Variants in KLHDC7B observed in about 807,000 individuals in gnomAD.
The protein encoded by KLHDC7B is kelch domain-containing protein 7B.
A neutral mutation model predicts 0.6 loss-of-function variants in KLHDC7B; 1 was observed. That is an observed-to-expected ratio of 1.71 (90% CI 0.61 to 8.11). The LOEUF (loss-of-function observed/expected upper bound fraction) is 8.11, where lower values mean the gene tolerates loss of function less well. Ranked by LOEUF, KLHDC7B falls within the 30% of genes most tolerant of loss-of-function variation. The probability of loss-of-function intolerance (pLI) is 0.13; values close to 1 mark genes in which losing one functional copy is unlikely to be tolerated. For synonymous variants in KLHDC7B, 462 were observed against 405.2 expected, an observed-to-expected ratio of 1.14 and a Z score of -1.68; for missense variants, 993 against 894.9, an observed-to-expected ratio of 1.11 and a Z score of -1.40.
rs372048048 is a variant in KLHDC7B, at chr22:50,548,867, G to A, written c.2624G>A (p.Gly875Glu). The A allele has an allele frequency of 8.5e-4, 1,329 of 1,562,354 alleles. 25 individuals are homozygous for A. In the South Asian group the frequency reaches 0.015, roughly 17 times the overall value. The change falls in exon 1 of 1, where the codon GGA becomes GAA. Residue 875 changes from glycine to glutamate, a missense_variant. Transcript: ENST00000648057. This position sits in a 1 kb window ranked among gnomAD's most constrained non-coding sequence, Gnocchi z 5.3. The part of the protein sequence containing the change: ...LDVLAFAQQH[G>E]EPGLAQETYA... ...GTGCTGGCCTTTGCCCAGCAGCACGGAGAGCCCGGCCTGGCGCAGGAGACC... is the reference window on the plus strand; with the variant it reads ...GTGCTGGCCTTTGCCCAGCAGCACGAAGAGCCCGGCCTGGCGCAGGAGACC...
In KLHDC7B at chr22:50,549,541, C is replaced by A. The variant is rs201224475; in HGVS notation, c.3298C>A (p.Leu1100Ile). ...GGACATCTACGTCACCGGGGGTCACCTCTTCTACCGCCTGCTCAGGTACAG... is the reference window on the plus strand; with the variant it reads ...GGACATCTACGTCACCGGGGGTCACATCTTCTACCGCCTGCTCAGGTACAG... Reference protein sequence around the residue: ...RGDIYVTGGHLFYRLLRYSPV... With the variant: ...RGDIYVTGGHIFYRLLRYSPV... Residue 1100 changes from leucine (L) to isoleucine (I), a missense_variant, in exon 1 of 1, where the codon CTC becomes ATC. Physicochemically the swap from Leu to Ile is conservative, Grantham distance 5 (BLOSUM62 2). Transcript: ENST00000648057. The A allele has an allele frequency of 3.1e-6, 5 of 1,603,744 alleles. No homozygotes were observed. The African/African-American group carries it at 4.0e-5, about 13-fold the overall frequency.
chr22:50,549,919 C>A lies in KLHDC7B; in HGVS notation c.3676C>A (p.Pro1226Thr). ...CCTCAGTCCATTCATCCTGACTCTG[C>A]CCCCTGAGGACCGGCTGCAGACCTC... Reference protein sequence around the residue: ...GVLSPFILTLPPEDRLQTSL With the variant: ...GVLSPFILTLTPEDRLQTSL Residue 1226 changes from proline to threonine, a missense_variant, in exon 1 of 1, where the codon CCC becomes ACC. Coordinates refer to ENST00000648057, the MANE Select transcript of KLHDC7B (RefSeq NM_138433.5). The A allele has an allele frequency of 6.3e-7, 1 of 1,583,462 alleles. No homozygotes were observed. The highest frequency in any genetic ancestry group is 8.6e-7 in the Non-Finnish European group (1 of 1,161,856).
rs1340966201 is a variant in KLHDC7B at position 50,548,763 on chromosome 22, G to C, written c.2520G>C (p.Arg840=). 1.4e-6 allele frequency: 2 copies of C among 1,449,450 alleles called. No homozygotes were observed. Among genetic ancestry groups the C allele is most frequent in the South Asian group, 2.9e-5 (2 of 68,730 alleles). The allele number at this position is 1,449,450 out of a possible 1,614,324, so 89.8% of individuals were successfully genotyped here. Residue 840 remains arginine (R), a synonymous_variant, in exon 1 of 1, where the codon CGG becomes CGC. Coordinates refer to ENST00000648057, the MANE Select transcript of KLHDC7B (RefSeq NM_138433.5). This position sits in a 1 kb window ranked among gnomAD's most constrained non-coding sequence, Gnocchi z 5.3. ...GTTGGGGGGTGGTGGAGGGGCCCCG[G>C]AAGCCCAGCTCCCGGGCCCTGGAGC... ...PGGWGVVEGP[R]KPSSRALEPA...
In KLHDC7B at chr22:50,548,787, G is replaced by T. The variant is rs2069765714; in HGVS notation, c.2544G>T (p.Glu848Asp). 1 of 1,456,454 alleles carries T rather than the reference G, an allele frequency of 6.9e-7. No homozygotes were observed. The highest frequency in any genetic ancestry group is 1.5e-5 in the African/African-American group (1 of 67,178). 90.2% of individuals were successfully genotyped at this position (1,456,454 alleles called of 1,614,324 possible). ...GGAAGCCCAGCTCCCGGGCCCTGGAGCCCGCCACGGCGGCAGCCCTGCGGC... is the reference window on the plus strand; with the variant it reads ...GGAAGCCCAGCTCCCGGGCCCTGGATCCCGCCACGGCGGCAGCCCTGCGGC... ...GPRKPSSRAL[E>D]PATAAALRRR... Residue 848 changes from glutamate (E) to aspartate (D), a missense_variant, in exon 1 of 1, where the codon GAG becomes GAT. Coordinates refer to ENST00000648057, the MANE Select transcript of KLHDC7B (RefSeq NM_138433.5). This position sits in a 1 kb window ranked among gnomAD's most constrained non-coding sequence, Gnocchi z 5.3.
rs1463468661 is a variant in KLHDC7B, at chr22:50,548,376, C to A, written c.2133C>A (p.Thr711=). The A allele has an allele frequency of 6.4e-7, 1 of 1,552,328 alleles. No homozygotes were observed. Among genetic ancestry groups the A allele is most frequent in the Admixed American group, 2.0e-5 (1 of 51,008 alleles). ...GGQPQPRSSE[T]NGSPSPDPPP... is the part of the protein sequence containing the mutation. Reference sequence around the variant, plus strand: ...AGCCACAGCCAAGAAGCTCCGAGACCAACGGATCGCCCAGCCCAGACCCTC... The same window carrying A: ...AGCCACAGCCAAGAAGCTCCGAGACAAACGGATCGCCCAGCCCAGACCCTC... Residue 711 remains threonine, a synonymous_variant, in exon 1 of 1, where the codon ACC becomes ACA. Transcript: ENST00000648057. The surrounding 1 kb of genome is among the most constrained non-coding windows in gnomAD (Gnocchi z 5.3).
rs767176636 is a variant in KLHDC7B, at chr22:50,548,470, A to G, written c.2227A>G (p.Arg743Gly). Residue 743 changes from arginine to glycine, a missense_variant, in exon 1 of 1, where the codon AGG becomes GGG. Physicochemically the swap from Arg to Gly is moderately radical, Grantham distance 125. Transcript: ENST00000648057. This position sits in a 1 kb window ranked among gnomAD's most constrained non-coding sequence, Gnocchi z 5.3. ...CCCGCTGCCCCAAGCCGCGATGCCC[A>G]GGGGCCCCGCACAGCCCCCCGCGCA... ...LDPLPQAAMPRGPAQPPAQRP... is the reference protein window; with the variant it reads ...LDPLPQAAMPGGPAQPPAQRP... 2 of 1,578,784 alleles carry G rather than the reference A, an allele frequency of 1.3e-6. No homozygotes were observed. The highest frequency in any genetic ancestry group is 1.7e-6 in the Non-Finnish European group (2 of 1,162,644).
In KLHDC7B at chr22:50,550,040, C is replaced by A; in HGVS notation, c.*89C>A. The stretch of plus-strand genomic sequence containing the variant: ...GAGAGGCCGGGGCTCAGGGAAGGGG[C>A]TGGGATCGGAACTTCCTGCTCTTGT... On this transcript the variant is annotated 3_prime_UTR_variant, in exon 1 of 1. Transcript: ENST00000648057. The A allele has an allele frequency of 7.5e-7, 1 of 1,324,564 alleles. No homozygotes were observed. Among genetic ancestry groups the A allele is most frequent in the Non-Finnish European group, 1.0e-6 (1 of 990,576 alleles). The allele number at this position is 1,324,564 out of a possible 1,614,324, so 82.1% of individuals were successfully genotyped here.
rs137863644 is a variant in KLHDC7B, at chr22:50,549,703, A to C, written c.3460A>C (p.Thr1154Pro). 3.4e-5 allele frequency: 54 copies of C among 1,578,460 alleles called. No individual in the cohort carries two copies. The highest frequency in any genetic ancestry group is 4.6e-5 in the Non-Finnish European group (53 of 1,163,472). ...GGGCGCCGCCGTGATGCGCTACAAC[A>C]CAGTGACCGGCTCCTGGAGCAGGGC... Reference protein sequence around the residue: ...GVGAAVMRYNTVTGSWSRAAS... With the variant: ...GVGAAVMRYNPVTGSWSRAAS... Residue 1154 changes from threonine to proline, a missense_variant, in exon 1 of 1, where the codon ACA becomes CCA. Physicochemically the swap from Thr to Pro is conservative, Grantham distance 38. Transcript: ENST00000648057.
chr22:50,549,221 T>C lies in KLHDC7B; in HGVS notation c.2978T>C (p.Met993Thr). Residue 993 changes from methionine to threonine, a missense_variant, in exon 1 of 1, where the codon ATG becomes ACG. Coordinates refer to ENST00000648057, the MANE Select transcript of KLHDC7B (RefSeq NM_138433.5). ...CTTCGGGGCTGCGGTCTCTGCACCA[T>C]GCACAACTACCTGTTTCTGGCGGGG... The part of the protein sequence containing the change: ...APLRGCGLCT[M>T]HNYLFLAGGI... 8 of 1,608,454 alleles carry C rather than the reference T, an allele frequency of 5.0e-6. No individual in the cohort carries two copies. The highest frequency in any genetic ancestry group is 6.8e-6 in the Non-Finnish European group (8 of 1,179,912).
Position 50,548,790 on chromosome 22 carries a change from C to T in KLHDC7B, c.2547C>T (p.Pro849=). The T allele has an allele frequency of 6.2e-6, 9 of 1,459,328 alleles. No homozygotes were observed. Among genetic ancestry groups the T allele is most frequent in the Non-Finnish European group, 7.2e-6 (8 of 1,111,170 alleles). The allele number at this position is 1,459,328 out of a possible 1,614,324, so 90.4% of individuals were successfully genotyped here. The change falls in exon 1 of 1, where the codon CCC becomes CCT. Residue 849 remains proline (P), a synonymous_variant. Transcript: ENST00000648057. This position sits in a 1 kb window ranked among gnomAD's most constrained non-coding sequence, Gnocchi z 5.3. ...AGCCCAGCTCCCGGGCCCTGGAGCC[C>T]GCCACGGCGGCAGCCCTGCGGCGGC... is the stretch of plus-strand genomic sequence containing the variant. The part of the protein sequence containing the change: ...PRKPSSRALE[P]ATAAALRRRL...
Position 50,548,490 on chromosome 22 carries a change from C to T in KLHDC7B, c.2247C>T (p.Pro749=), listed in dbSNP as rs1217436143. 3 of 1,566,910 alleles carry T rather than the reference C, an allele frequency of 1.9e-6. No individual in the cohort carries two copies. The highest frequency in any genetic ancestry group is 1.7e-4 in the Middle Eastern group (1 of 5,974). ...AAMPRGPAQP[P]AQRPPGPAAS... is the part of the protein sequence containing the mutation. ...TGCCCAGGGGCCCCGCACAGCCCCC[C>T]GCGCAGAGGCCGCCTGGCCCCGCGG... Residue 749 remains proline, a synonymous_variant, in exon 1 of 1, where the codon CCC becomes CCT. Transcript: ENST00000648057. The surrounding 1 kb of genome is among the most constrained non-coding windows in gnomAD (Gnocchi z 5.3).
Position 50,549,832 on chromosome 22 carries a change from G to A in KLHDC7B, c.3589G>A (p.Gly1197Arg), listed in dbSNP as rs1335451119. 6.3e-7 allele frequency: 1 copy of A among 1,585,366 alleles called. No homozygotes were observed. Among genetic ancestry groups the A allele is most frequent in the African/African-American group, 1.3e-5 (1 of 74,252 alleles). Residue 1197 changes from glycine to arginine, a missense_variant, in exon 1 of 1, where the codon GGG becomes AGG. Coordinates refer to ENST00000648057, the MANE Select transcript of KLHDC7B (RefSeq NM_138433.5). ...GGTCACTGCCACCTTCACGGTCTCT[G>A]GGGGGACTGCCCAGTTCCAGGCCAA... ...PQVTATFTVS[G>R]GTAQFQAKEL...
chr22:50,548,271 T>C lies in KLHDC7B; in HGVS notation c.2028T>C (p.Ser676=). 6.4e-7 allele frequency: 1 copy of C among 1,550,924 alleles called. No homozygotes were observed. The change falls in exon 1 of 1, where the codon TCT becomes TCC. Residue 676 remains serine, a synonymous_variant. Coordinates refer to ENST00000648057, the MANE Select transcript of KLHDC7B (RefSeq NM_138433.5). This position sits in a 1 kb window ranked among gnomAD's most constrained non-coding sequence, Gnocchi z 5.3. The part of the protein sequence containing the change: ...SPVGPSTSTH[S]EDRHGPSSSV... ...TGGGTCCCAGCACTTCCACACACTC[T>C]GAGGACAGACACGGCCCCTCTTCTT...
At position 50,548,361 on chromosome 22, in the gene KLHDC7B, A is replaced by G; in HGVS notation, c.2118A>G (p.Pro706=). 1 of 1,551,160 alleles carries G rather than the reference A, an allele frequency of 6.4e-7. No individual in the cohort carries two copies. The highest frequency in any genetic ancestry group is 8.7e-7 in the Non-Finnish European group (1 of 1,147,110). ...GLVEAGGQPQ[P]RSSETNGSPS... is the part of the protein sequence containing the mutation. ...TTGAGGCTGGAGGTCAGCCACAGCC[A>G]AGAAGCTCCGAGACCAACGGATCGC... The change falls in exon 1 of 1, where the codon CCA becomes CCG. Residue 706 remains proline (P), a synonymous_variant. Transcript: ENST00000648057. The surrounding 1 kb of genome is among the most constrained non-coding windows in gnomAD (Gnocchi z 5.3).
At position 50,548,955 on chromosome 22, in the gene KLHDC7B, G is replaced by A; in HGVS notation, c.2712G>A (p.Leu904=). ...VLGDPCLYRR[L]SAADRERILS... Reference sequence around the variant, plus strand: ...GAGACCCGTGCCTCTACCGCCGGCTGAGCGCGGCCGACCGCGAGCGCATCC... The same window carrying A: ...GAGACCCGTGCCTCTACCGCCGGCTAAGCGCGGCCGACCGCGAGCGCATCC... Residue 904 remains leucine (L), a synonymous_variant, in exon 1 of 1, where the codon CTG becomes CTA. Transcript: ENST00000648057. This position sits in a 1 kb window ranked among gnomAD's most constrained non-coding sequence, Gnocchi z 5.3. 5.0e-6 allele frequency: 8 copies of A among 1,597,438 alleles called. No homozygotes were observed. The highest frequency in any genetic ancestry group is 5.1e-6 in the Non-Finnish European group (6 of 1,173,920).
chr22:50,547,853 TCCCAACCCTCACACCCCCATC>T lies in KLHDC7B; in HGVS notation c.1615_1635del (p.Thr539_Pro545del), dbSNP rs2069748919. On this transcript the variant is annotated inframe_deletion, in exon 1 of 1. Coordinates refer to ENST00000648057, the MANE Select transcript of KLHDC7B (RefSeq NM_138433.5). Reference sequence around the variant, plus strand: ...ACTCCAGCCCCAGCCCCAGTCCCAGTCCCAACCCTCACACCCCCATCCCCAGCCCTAACCCCAGTCCCAACC... The same window carrying T: ...ACTCCAGCCCCAGCCCCAGTCCCAGTCCCAGCCCTAACCCCAGTCCCAACC... Among the ~76,000 whole-genome samples the T allele has an allele frequency of 8.8e-6, 1 of 113,140 alleles. No individual in the cohort carries two copies. The highest frequency in any genetic ancestry group is 1.8e-5 in the Non-Finnish European group (1 of 55,480). The allele number at this position is 113,140 out of a possible 152,430, so 74.2% of individuals were successfully genotyped here.
chr22:50,549,744 G>GGGCGC lies in KLHDC7B; in HGVS notation c.1578_1579insGGCGC (p.Pro527GlyfsTer58). ...GGAGCAGGGCTGCCTCCCTGCCCCT[G>GGGCGC]CCCGCCCCCGCCCCACTGCACTGCA... On this transcript the variant is annotated frameshift_variant, in exon 1 of 1. Transcript: ENST00000395676. LOFTEE classifies it low-confidence loss of function (END_TRUNC). 5 of 1,554,492 alleles carry GGGCGC rather than the reference G, an allele frequency of 3.2e-6. No homozygotes were observed. Among genetic ancestry groups the GGGCGC allele is most frequent in the Non-Finnish European group, 3.5e-6 (4 of 1,152,310 alleles).
rs141222336 is a variant in KLHDC7B, at chr22:50,549,947, T to C, written c.3704T>C (p.Leu1235Pro). Residue 1235 changes from leucine (L) to proline (P), a missense_variant, in exon 1 of 1, where the codon CTC becomes CCC. Physicochemically the swap from Leu to Pro is moderately conservative, Grantham distance 98. Coordinates refer to ENST00000648057, the MANE Select transcript of KLHDC7B (RefSeq NM_138433.5). ...CCTGAGGACCGGCTGCAGACCTCAC[T>C]CTGAGTGGCAGGCAGAGAACCAAAG... ...LPPEDRLQTS[L>P] 2.2e-3 allele frequency: 3,358 copies of C among 1,552,712 alleles called. 11 individuals are homozygous for C. The highest frequency in any genetic ancestry group is 3.0e-3 in the Admixed American group (168 of 55,774).
Position 50,550,110 on chromosome 22 carries a change from T to C in KLHDC7B, c.*159T>C, listed in dbSNP as rs971829985. 1 of 775,054 alleles carries C rather than the reference T, an allele frequency of 1.3e-6. No individual in the cohort carries two copies. The highest frequency in any genetic ancestry group is 2.0e-6 in the Non-Finnish European group (1 of 502,264). 48.0% of individuals were successfully genotyped at this position (775,054 alleles called of 1,614,324 possible). ...TCTGCTTTAAAGGTTGTCGATTATTTTGAAGCCCAGACTCCCTCAGCCTCT... is the reference window on the plus strand; with the variant it reads ...TCTGCTTTAAAGGTTGTCGATTATTCTGAAGCCCAGACTCCCTCAGCCTCT... On this transcript the variant is annotated 3_prime_UTR_variant, in exon 1 of 1. Coordinates refer to ENST00000648057, the MANE Select transcript of KLHDC7B (RefSeq NM_138433.5).
Sources: gnomAD v4.1 joint callset for allele counts (sites outside exome capture counted in the v4.1 genomes callset) on GRCh38, gnomAD v4.1.1 for gene constraint, Gnocchi (gnomAD v3.1) non-coding constraint, MANE v1.5 for transcripts, NCBI Gene and HGNC (gene_info 2026-07-23, HGNC 2026-07-21) for gene names.